GALNT13: variants seen among roughly 807,000 people sequenced by gnomAD.
The protein encoded by GALNT13 is polypeptide N-acetylgalactosaminyltransferase 13, also known as UDP-GalNAc:polypeptide N-acetylgalactosaminyltransferase 13.
A neutral mutation model predicts 64.2 loss-of-function variants in GALNT13; 28 were observed. That is an observed-to-expected ratio of 0.44 (90% CI 0.32 to 0.60). The LOEUF (loss-of-function observed/expected upper bound fraction) is 0.60, where lower values mean the gene tolerates loss of function less well. GALNT13 is among the 20% of genes least tolerant of loss of function. GALNT13 has a pLI of 0.05. For missense variants in GALNT13, 577 were observed against 669.8 expected (o/e 0.86, Z 1.53); for synonymous variants, 214 against 224.6 (o/e 0.95, Z 0.42).
chr2:154,285,565 AC>A (rs1692216160), intron 8 of GALNT13, among the ~76,000 whole-genome samples: 2 of 151,918 alleles, frequency 1.3e-5, no homozygotes, highest in Non-Finnish European at 2.9e-5. Context: ...ATTCTGTTTT[AC>A]TGGTCTATGT....
intron 12 of GALNT13, among the ~76,000 whole-genome samples, chr2:154,445,014 GTTATC>G (rs1247883895): frequency 6.6e-6 from 1 of 151,814 alleles, no homozygotes; most frequent in African/African-American, 2.4e-5. Flanking sequence ...ATTAATAATT[GTTATC>G]TTTTCAAACA....
chr2:153,616,576 A>AT, the GALNT13 span, among the ~76,000 whole-genome samples: 40 of 151,488 alleles, frequency 2.6e-4, no homozygotes, highest in Middle Eastern at 3.4e-3. Flanking sequence ...ATATTTTCCC[A>AT]TTTTTTTTGT....
chr2:154,350,542 T>C (rs1696335925), intron 9 of GALNT13, among the ~76,000 whole-genome samples: 1 of 152,196 alleles, frequency 6.6e-6, no homozygotes, highest in Admixed American at 6.5e-5. Context: ...TTTGGGGACT[T>C]GGACTGGCTT....
At chr2:153,913,590 T>A (rs143608076) in intron 2 of GALNT13, among the ~76,000 whole-genome samples, 1 of 152,302 alleles carries the variant, frequency 6.6e-6, no homozygotes, top group African/African-American at 2.4e-5. Flanking sequence ...TCTAAGTTAC[T>A]CTTTCTGCCA....
At chr2:153,697,353 AT>A in the GALNT13 span, among the ~76,000 whole-genome samples, 2 of 152,158 alleles carry the variant, frequency 1.3e-5, no homozygotes, top group Non-Finnish European at 2.9e-5. Flanking sequence ...ACATTTCCAT[AT>A]TTACCACAGC....
chr2:153,653,853 C>A, the GALNT13 span, among the ~76,000 whole-genome samples: 2 of 152,024 alleles, frequency 1.3e-5, no homozygotes, highest in Non-Finnish European at 2.9e-5. Context: ...AATTTCATGT[C>A]ATAGAGAATA....
At chr2:153,186,832 C>T in the GALNT13 span, among the ~76,000 whole-genome samples, 1 of 152,210 alleles carries the variant, frequency 6.6e-6, no homozygotes, top group Non-Finnish European at 1.5e-5. Context: ...TCCCAAAGTG[C>T]TGGGATTACA....
At chr2:153,315,973 A>G in the GALNT13 span, among the ~76,000 whole-genome samples, 1 of 152,034 alleles carries the variant, frequency 6.6e-6, no homozygotes, top group Admixed American at 6.5e-5. Context: ...AAAGAATCCA[A>G]TTTTTAAAAA....
chr2:154,218,446 A>C (rs1383046125), intron 4 of GALNT13, among the ~76,000 whole-genome samples: 2 of 152,030 alleles, frequency 1.3e-5, no homozygotes, highest in African/African-American at 4.8e-5. Flanking sequence ...CCTCCTCCAG[A>C]TGTTGTACTA....
intron 3 of GALNT13, among the ~76,000 whole-genome samples, chr2:154,033,328 GA>G (rs1030255807): frequency 9.9e-5 from 15 of 151,830 alleles, no homozygotes; most frequent in Non-Finnish European, 1.8e-4. Context: ...TTAACTTTAA[GA>G]ATATAAATTT....
the GALNT13 span, among the ~76,000 whole-genome samples, chr2:153,428,711 A>C: frequency 6.6e-6 from 1 of 152,182 alleles, no homozygotes; most frequent in Admixed American, 6.6e-5. Context: ...CAGCATAGCC[A>C]TGAGGCTAAT....
At chr2:153,489,101 T>C in the GALNT13 span, among the ~76,000 whole-genome samples, 10 of 152,128 alleles carry the variant, frequency 6.6e-5, no homozygotes, top group Non-Finnish European at 1.3e-4. Context: ...AGTGGAATAA[T>C]AGACATCGGA....
At chr2:154,258,459 G>A (rs370972308) in intron 7 of GALNT13, among the ~76,000 whole-genome samples, 222 of 147,408 alleles carry the variant, frequency 1.5e-3, no homozygotes, top group Middle Eastern at 3.4e-3. Context: ...TTAGTAAAGA[G>A]AAGAATAAAC....
the GALNT13 span, among the ~76,000 whole-genome samples, chr2:153,266,602 A>G: frequency 6.6e-6 from 1 of 151,784 alleles, no homozygotes; most frequent in Non-Finnish European, 1.5e-5. Context: ...GTGCAGGGGG[A>G]AAAGTGCCAA....
Position 154,259,105 on chromosome 2 carries a change from C to G in GALNT13, c.942C>G (p.Ile314Met). 1 of 1,601,356 alleles carries G rather than the reference C, an allele frequency of 6.2e-7. No individual in the cohort carries two copies. The highest frequency in any genetic ancestry group is 8.5e-7 in the Non-Finnish European group (1 of 1,171,716). Residue 314 changes from isoleucine to methionine, a missense_variant, in exon 8 of 13, where the codon ATC (isoleucine) becomes ATG (methionine). Transcript: ENST00000392825. Reference protein sequence around the residue: ...EIGTYDAGMDIWGGENLEMSF... With the variant: ...EIGTYDAGMDMWGGENLEMSF... ...GAACTTACGATGCAGGAATGGATAT[C>G]TGGGGTGGAGAGAATCTTGAAATGT...
chr2:153,423,177 A>T, the GALNT13 span, among the ~76,000 whole-genome samples: 3 of 151,898 alleles, frequency 2.0e-5, no homozygotes, highest in Admixed American at 6.6e-5. Context: ...AGAATGATGA[A>T]TTTTTTTCTT....
At chr2:154,429,593 A>G (rs1700621684) in intron 11 of GALNT13, among the ~76,000 whole-genome samples, 1 of 152,212 alleles carries the variant, frequency 6.6e-6, no homozygotes, top group Admixed American at 6.5e-5. Flanking sequence ...GTGCTGAGGG[A>G]GAAGCTGCAG....
chr2:153,800,045 G>GCTCCCTCTCTCTCTCTCTCTCT, the GALNT13 span, among the ~76,000 whole-genome samples: 1 of 119,028 alleles, frequency 8.4e-6, no homozygotes, highest in Admixed American at 8.2e-5. Context: ...CATTTAGTTT[G>GCTCCCTCTCTCTCTCTCTCTCT]CTCTCTCTCT....
chr2:154,016,033 T>C (rs1696979743), intron 3 of GALNT13, among the ~76,000 whole-genome samples: 2 of 152,204 alleles, frequency 1.3e-5, no homozygotes, highest in Admixed American at 1.3e-4. Context: ...AGCTTATTCT[T>C]TGTCTCAATA....
Sources: allele counts gnomAD v4.1 joint callset (sites outside exome capture counted in the v4.1 genomes callset), GRCh38; gene constraint gnomAD v4.1.1; transcripts MANE v1.5; gene names NCBI Gene and HGNC (gene_info 2026-07-23, HGNC 2026-07-21).